BBS9: variants seen among roughly 807,000 people sequenced by gnomAD.
The protein encoded by BBS9 is protein PTHB1.
BBS9 carries 89 observed loss-of-function variants against 117.7 expected under a neutral mutation model. That is an observed-to-expected ratio of 0.76 (90% CI 0.64 to 0.90). The LOEUF (loss-of-function observed/expected upper bound fraction) is 0.90. BBS9 is among the 40% of genes least tolerant of loss of function. The pLI is 0.00. For synonymous variants in BBS9, 379 were observed against 370.9 expected, an observed-to-expected ratio of 1.02 and a Z score of -0.25; for missense variants, 982 against 1,042.2, an observed-to-expected ratio of 0.94 and a Z score of 0.80.
chr7:33,261,871 T>C (rs13236865), intron 6 of BBS9, among the ~76,000 whole-genome samples: 21,895 of 152,226 alleles, frequency 0.14, 1,856 homozygotes, highest in Non-Finnish European at 0.18. Context: ...CATAAGATCT[T>C]GTTACATTGG....
intron 5 of BBS9, among the ~76,000 whole-genome samples, chr7:33,214,427 T>C (rs888720592): frequency 6.6e-6 from 1 of 152,210 alleles, no homozygotes; most frequent in Non-Finnish European, 1.5e-5. Flanking sequence ...GGTCATCTGA[T>C]TTTTGGTTAT....
chr7:33,457,746 T>G (rs1166292855), intron 19 of BBS9, among the ~76,000 whole-genome samples: 1 of 152,216 alleles, frequency 6.6e-6, no homozygotes, highest in East Asian at 1.9e-4. Context: ...AAAGAAACTT[T>G]CAGGAAATTG....
chr7:33,551,903 GT>G (rs1434897773), intron 21 of BBS9, among the ~76,000 whole-genome samples: 1 of 151,960 alleles, frequency 6.6e-6, no homozygotes, highest in Admixed American at 6.6e-5. Context: ...AAATAATTAT[GT>G]TTGGCTATAT....
intron 9 of BBS9, among the ~76,000 whole-genome samples, chr7:33,304,487 G>A (rs1278914335): frequency 1.3e-5 from 2 of 150,444 alleles, no homozygotes; most frequent in African/African-American, 4.9e-5. Context: ...AATGAGGAGC[G>A]CCTCTGCCTG....
chr7:33,366,319 T>C (rs748509824), intron 16 of BBS9, among the ~76,000 whole-genome samples: 1 of 152,072 alleles, frequency 6.6e-6, no homozygotes, highest in African/African-American at 2.4e-5. Context: ...TCTGTAGGCA[T>C]CTTAGGTATG....
At chr7:33,315,220 G>C (rs1465032151) in intron 9 of BBS9, among the ~76,000 whole-genome samples, 1 of 152,154 alleles carries the variant, frequency 6.6e-6, no homozygotes, top group Non-Finnish European at 1.5e-5. Flanking sequence ...TCTGAAGGCT[G>C]TCAGGGAGAA....
intron 5 of BBS9, among the ~76,000 whole-genome samples, chr7:33,198,369 G>A (rs1208558295): frequency 1.3e-5 from 2 of 151,906 alleles, no homozygotes; most frequent in Non-Finnish European, 2.9e-5. Flanking sequence ...ATTTATATAA[G>A]GTTTTGGAAG....
intron 5 of BBS9, among the ~76,000 whole-genome samples, chr7:33,198,233 TG>T (rs1267974561): frequency 6.6e-6 from 1 of 152,008 alleles, no homozygotes; most frequent in Non-Finnish European, 1.5e-5. Context: ...AAATTTAATT[TG>T]GAAAGTTATA....
At chr7:33,594,200 CG>C (rs1329018173) in intron 21 of BBS9, among the ~76,000 whole-genome samples, 4 of 152,210 alleles carry the variant, frequency 2.6e-5, no homozygotes, top group African/African-American at 9.6e-5. Flanking sequence ...TTTATTCACA[CG>C]CTTTATCTCT....
rs565060486 is a variant in BBS9, at chr7:33,390,445, A to G, written c.2115+2301A>G. 7.4e-5 allele frequency: 73 copies of G among 983,046 alleles called. No homozygotes were observed. In the African/African-American group the frequency reaches 1.2e-3, roughly 17 times the overall value. 60.9% of individuals were successfully genotyped at this position (983,046 alleles called of 1,614,324 possible). ...AAACCATGGCTTTTCACTTGAATGT[A>G]TATTGTTAAGTCCCATTCCTTTTAG... On this transcript the variant is annotated intron_variant, in intron 19 of 22. Transcript: ENST00000242067.
chr7:33,618,469 C>A (rs979485452), intron 21 of BBS9, among the ~76,000 whole-genome samples: 1 of 151,950 alleles, frequency 6.6e-6, no homozygotes, highest in East Asian at 1.9e-4. Context: ...GTGCATAAAT[C>A]ACTTTGACCT....
chr7:33,314,890 T>C (rs2128561380), intron 9 of BBS9, among the ~76,000 whole-genome samples: 1 of 152,328 alleles, frequency 6.6e-6, no homozygotes, highest in South Asian at 2.1e-4. Context: ...CTGAAGATAG[T>C]AAGACTGGCT....
chr7:33,201,794 T>C (rs553144682), intron 5 of BBS9, among the ~76,000 whole-genome samples: 70 of 152,178 alleles, frequency 4.6e-4, no homozygotes, highest in Non-Finnish European at 9.3e-4. Context: ...GTCTGCTCTT[T>C]TGATGTAATG....
chr7:33,303,406 G>A (rs1172644388), intron 9 of BBS9, among the ~76,000 whole-genome samples: 2 of 151,816 alleles, frequency 1.3e-5, no homozygotes, highest in African/African-American at 2.4e-5. Flanking sequence ...TGTCATATAT[G>A]GCTTTTATTG....
chr7:33,361,862 G>A (rs1391217025), intron 16 of BBS9, among the ~76,000 whole-genome samples: 1 of 152,044 alleles, frequency 6.6e-6, no homozygotes, highest in Non-Finnish European at 1.5e-5. Flanking sequence ...CAGCTTCAGT[G>A]CATATTTTTG....
intron 5 of BBS9, among the ~76,000 whole-genome samples, chr7:33,219,371 G>C (rs371342092): frequency 1.3e-5 from 2 of 152,316 alleles, no homozygotes. Flanking sequence ...CACAGGGCGC[G>C]GGACTGGCAG....
intron 11 of BBS9, among the ~76,000 whole-genome samples, chr7:33,342,680 C>T (rs898280838): frequency 1.3e-5 from 2 of 152,064 alleles, no homozygotes; most frequent in African/African-American, 4.8e-5. Context: ...AACATTAGCC[C>T]TACAATTTAT....
At chr7:33,268,942 A>T (rs1308753764) in intron 7 of BBS9, among the ~76,000 whole-genome samples, 1 of 152,218 alleles carries the variant, frequency 6.6e-6, no homozygotes, top group African/African-American at 2.4e-5. Context: ...ACTGATATTC[A>T]TGTCCTGTCC....
chr7:33,604,774 A>G (rs975324886), intron 21 of BBS9, 91 bp from the exon 22 acceptor site: 1 of 852,376 alleles, frequency 1.2e-6, no homozygotes, highest in Non-Finnish European at 2.0e-6. Flanking sequence ...TATTATCTTT[A>G]TGATCAGTGT....
Sources: allele counts gnomAD v4.1 joint callset (sites outside exome capture counted in the v4.1 genomes callset), GRCh38; gene constraint gnomAD v4.1.1; transcripts MANE v1.5; gene names NCBI Gene and HGNC (gene_info 2026-07-23, HGNC 2026-07-21).